DIAPH2: variants seen among roughly 807,000 people sequenced by gnomAD.
DIAPH2 encodes protein diaphanous homolog 2.
DIAPH2 carries 35 observed loss-of-function variants against 92.7 expected under a neutral mutation model. The ratio of observed to expected loss-of-function variants is 0.38; its 90% confidence interval spans 0.29 to 0.50. DIAPH2 has a LOEUF of 0.50. Ranked by LOEUF, DIAPH2 falls within the 20% of genes least tolerant of loss-of-function variation. The probability of loss-of-function intolerance (pLI) is 0.94; values close to 1 mark genes in which losing one functional copy is unlikely to be tolerated. For missense variants in DIAPH2, 701 were observed against 819.5 expected, an observed-to-expected ratio of 0.86 and a Z score of 1.77; for synonymous variants, 301 against 280.4, an observed-to-expected ratio of 1.07 and a Z score of -0.73.
intron 5 of DIAPH2, among the ~76,000 whole-genome samples, chrX:96,896,717 A>G (rs1194164716): frequency 1.8e-5 from 2 of 112,203 alleles, no homozygotes; most frequent in Non-Finnish European, 3.8e-5. Flanking sequence ...TATATGTTTG[A>G]AAAGCTTTAG....
At chrX:97,158,024 A>G (rs1402471720) in intron 22 of DIAPH2, among the ~76,000 whole-genome samples, 1 of 111,969 alleles carries the variant, frequency 8.9e-6, no homozygotes, top group Non-Finnish European at 1.9e-5. Flanking sequence ...TCTTGTCTGA[A>G]GTAAAATCCC....
chrX:96,793,941 T>C (rs1375408321), intron 4 of DIAPH2, among the ~76,000 whole-genome samples: 1 of 111,983 alleles, frequency 8.9e-6, no homozygotes, highest in Non-Finnish European at 1.9e-5. Context: ...GACAATGTGT[T>C]GTTCATTTAT....
chrX:97,263,310 CT>C (rs780175756), intron 23 of DIAPH2, among the ~76,000 whole-genome samples: 1 of 111,405 alleles, frequency 9.0e-6, no homozygotes, highest in East Asian at 2.8e-4. Flanking sequence ...CTGTGAAACA[CT>C]TTGAACAGTT....
chrX:97,192,368 C>T (rs1417236425), intron 22 of DIAPH2, among the ~76,000 whole-genome samples: 2 of 110,431 alleles, frequency 1.8e-5, no homozygotes, highest in African/African-American at 3.3e-5. Flanking sequence ...TATCTCTACC[C>T]CTAATGCCCA....
At chrX:97,092,802 G>A (rs978580312) in intron 19 of DIAPH2, among the ~76,000 whole-genome samples, 2 of 111,518 alleles carry the variant, frequency 1.8e-5, no homozygotes, top group African/African-American at 6.5e-5. Context: ...GTGGCAGTTT[G>A]TCATGGCCGT....
chrX:97,501,457 T>C (rs2070797598), intron 26 of DIAPH2, among the ~76,000 whole-genome samples: 3 of 112,411 alleles, frequency 2.7e-5, no homozygotes, highest in African/African-American at 9.7e-5. Context: ...ATCTAAAAGT[T>C]TAACAAACAT....
intron 4 of DIAPH2, among the ~76,000 whole-genome samples, chrX:96,785,824 G>A (rs1169834922): frequency 4.5e-5 from 5 of 110,735 alleles, no homozygotes; most frequent in African/African-American, 6.6e-5. Flanking sequence ...GTGGGACATA[G>A]CACCCAGAGC....
At chrX:96,738,540 T>C in intron 2 of DIAPH2, 46 bp from the exon 3 acceptor site, 4 of 1,085,639 alleles carry the variant, frequency 3.7e-6, no homozygotes, top group Non-Finnish European at 4.9e-6. Context: ...TTAGTAGTTC[T>C]TGATCTTTTT....
chrX:97,314,037 G>A (rs944112444), intron 23 of DIAPH2, among the ~76,000 whole-genome samples: 1 of 110,663 alleles, frequency 9.0e-6, no homozygotes, highest in Non-Finnish European at 1.9e-5. Flanking sequence ...ACTTTGAATG[G>A]CCTAGTCAGG....
intron 20 of DIAPH2, among the ~76,000 whole-genome samples, chrX:97,103,606 A>G (rs1407533274): frequency 8.9e-6 from 1 of 111,953 alleles, no homozygotes; most frequent in African/African-American, 3.2e-5. Flanking sequence ...TCAATTAACC[A>G]TTACAATATA....
intron 4 of DIAPH2, among the ~76,000 whole-genome samples, chrX:96,818,043 G>T (rs1211453831): frequency 3.7e-5 from 1 of 26,784 alleles, no homozygotes; most frequent in Non-Finnish European, 6.6e-5. Context: ...GTGCAGTGGC[G>T]CGATCTCGGC....
At chrX:97,089,964 G>A (rs1047377638) in intron 19 of DIAPH2, among the ~76,000 whole-genome samples, 6 of 111,451 alleles carry the variant, frequency 5.4e-5, no homozygotes, top group African/African-American at 2.0e-4. Context: ...TCCTGACCTT[G>A]TGATCTGCCC....
chrX:96,720,306 A>G (rs1365467440), intron 1 of DIAPH2, among the ~76,000 whole-genome samples: 1 of 111,450 alleles, frequency 9.0e-6, no homozygotes, highest in African/African-American at 3.3e-5. Flanking sequence ...CTGGGCTCAC[A>G]TACCACAGGC....
Position 97,146,007 on chromosome X carries a change from CTTTTTTTTTTTT to C in DIAPH2, c.2719+4228_2719+4239del, listed in dbSNP as rs372292277. ...AGAATCTATTTCCTTTTTCTTCTTC[CTTTTTTTTTTTT>C]TTTTTTTTTTTTTTACTAAAGCCTT... On this transcript the variant is annotated intron_variant, in intron 22 of 26. Transcript: ENST00000324765. Among the ~76,000 whole-genome samples, 9 of 43,172 alleles carry C rather than the reference CTTTTTTTTTTTT, an allele frequency of 2.1e-4. No homozygotes were observed. In the Admixed American group the frequency reaches 2.6e-3, roughly 12 times the overall value. 37.5% of individuals were successfully genotyped at this position (43,172 alleles called of 115,157 possible).
intron 23 of DIAPH2, among the ~76,000 whole-genome samples, chrX:97,335,150 A>G (rs1443655883): frequency 1.8e-5 from 2 of 110,864 alleles, no homozygotes; most frequent in Non-Finnish European, 3.8e-5. Context: ...AAATGTAGTT[A>G]ATAATAGCAT....
At chrX:96,763,968 TTC>T (rs1180737118) in intron 4 of DIAPH2, among the ~76,000 whole-genome samples, 1 of 102,069 alleles carries the variant, frequency 9.8e-6, no homozygotes, top group African/African-American at 3.7e-5. Flanking sequence ...TATCTTACTC[TTC>T]TTTTTTTTTT....
chrX:96,751,448 C>T (rs868518095), intron 3 of DIAPH2, among the ~76,000 whole-genome samples: 40 of 102,451 alleles, frequency 3.9e-4, no homozygotes, highest in South Asian at 1.5e-3. Flanking sequence ...TGGTGGTGGG[C>T]GCCTGTAGTC....
chrX:97,331,134 C>G (rs1192526552), intron 23 of DIAPH2, among the ~76,000 whole-genome samples: 1 of 111,328 alleles, frequency 9.0e-6, no homozygotes, highest in African/African-American at 3.3e-5. Context: ...ATCCATGTCA[C>G]AAACTGAACA....
intron 22 of DIAPH2, among the ~76,000 whole-genome samples, chrX:97,202,073 G>A (rs1018675399): frequency 9.0e-6 from 1 of 111,598 alleles, no homozygotes; most frequent in African/African-American, 3.3e-5. Context: ...AGCTTCATAA[G>A]CGAAGTGGAA....
Sources: gnomAD v4.1 joint callset for allele counts (sites outside exome capture counted in the v4.1 genomes callset) on GRCh38, gnomAD v4.1.1 for gene constraint, MANE v1.5 for transcripts, NCBI Gene and HGNC (gene_info 2026-07-23, HGNC 2026-07-21) for gene names.